HELZ: variants seen among roughly 807,000 people sequenced by gnomAD.
HELZ encodes ATP-dependent RNA helicase with zinc finger domain.
Under a neutral mutation model 218.2 loss-of-function variants are expected in HELZ, and 23 were observed. That is an observed-to-expected ratio of 0.11 (90% confidence interval 0.08 to 0.15). The LOEUF (loss-of-function observed/expected upper bound fraction) is 0.15. HELZ is among the 10% of genes least tolerant of loss of function. The pLI, the probability that HELZ is intolerant of heterozygous loss-of-function variation, is 1.00. For synonymous variants in HELZ, 814 were observed against 829.4 expected (o/e 0.98, Z 0.32); for missense variants, 1,813 against 2,353.7 (o/e 0.77, Z 4.75).
At chr17:67,218,447 G>C in intron 4 of HELZ, 148 bp downstream of exon 4, 1 of 676,366 alleles carries the variant, frequency 1.5e-6, no homozygotes, top group Admixed American at 2.6e-5. Flanking sequence ...CAAAAACGTA[G>C]TTACCTTGCC....
At chr17:67,097,298 G>A in intron 31 of HELZ, among the ~76,000 whole-genome samples, 1 of 152,200 alleles carries the variant, frequency 6.6e-6, no homozygotes, top group East Asian at 1.9e-4. Flanking sequence ...AGCACGTGCT[G>A]TCAGAAAAAT....
rs916490643 is a variant in HELZ at position 67,128,804 on chromosome 17, A to G, written c.3234T>C (p.His1078=). 1.2e-6 allele frequency: 2 copies of G among 1,614,156 alleles called. No individual in the cohort carries two copies. The highest frequency in any genetic ancestry group is 3.3e-5 in the Admixed American group (2 of 60,018). The part of the protein sequence containing the change: ...IALCHENSSL[H]GITFEQIKAQ... Reference sequence around the variant, plus strand: ...CTTTGATCTGTTCAAAAGTGATTCCATGTAGGCTACTGTTTTCATGACACA... The same window carrying G: ...CTTTGATCTGTTCAAAAGTGATTCCGTGTAGGCTACTGTTTTCATGACACA... Residue 1078 remains histidine, a synonymous_variant, in exon 24 of 33, where the codon CAT becomes CAC. Coordinates refer to ENST00000358691, the MANE Select transcript of HELZ (RefSeq NM_014877.4).
intron 32 of HELZ, among the ~76,000 whole-genome samples, chr17:67,084,662 CAA>C (rs58150179): frequency 0.69 from 87,109 of 126,614 alleles, 29,580 homozygotes; most frequent in African/African-American, 0.87. Context: ...GACTCCGTCT[CAA>C]AAAAAAAAAA....
intron 7 of HELZ, among the ~76,000 whole-genome samples, chr17:67,198,673 T>C (rs531933985): frequency 1.5e-4 from 23 of 152,366 alleles, no homozygotes; most frequent in African/African-American, 5.5e-4. Context: ...TAAATCAGTC[T>C]TGAGTTCCAG....
chr17:67,169,379 C>T (rs374833583), intron 13 of HELZ, among the ~76,000 whole-genome samples: 1 of 152,206 alleles, frequency 6.6e-6, no homozygotes, highest in South Asian at 2.1e-4. Context: ...GGTCTTCAGG[C>T]TGCATCATCC....
At chr17:67,126,438 C>T (rs1372071072) in intron 24 of HELZ, among the ~76,000 whole-genome samples, 2 of 152,178 alleles carry the variant, frequency 1.3e-5, no homozygotes, top group South Asian at 2.1e-4. Flanking sequence ...TGGTTCAATA[C>T]AGGATACAAT....
intron 17 of HELZ, among the ~76,000 whole-genome samples, chr17:67,158,444 A>C (rs1050620861): frequency 6.6e-6 from 1 of 152,220 alleles, no homozygotes; most frequent in African/African-American, 2.4e-5. Flanking sequence ...AGTTAATGTA[A>C]TAATAGTGCT....
Position 67,194,105 on chromosome 17 carries a change from T to C in HELZ, c.482-63A>G, listed in dbSNP as rs1024061189. 12 of 1,137,032 alleles carry C rather than the reference T, an allele frequency of 1.1e-5. No homozygotes were observed. In the East Asian group the frequency reaches 1.2e-4, roughly 12 times the overall value. 70.4% of individuals were successfully genotyped at this position (1,137,032 alleles called of 1,614,324 possible). A position where few individuals can be genotyped will look rare whatever the true frequency, so the allele number is the denominator to read the frequency against. ...CTAGCCAGTAATTCTGATATTTTAA[T>C]GTGTAAGAGATACTACAATCCCTCC... On this transcript the variant is annotated intron_variant, in intron 8 of 32. Transcript: ENST00000358691.
chr17:67,245,082 C>T (rs1358714676), intron 1 of HELZ, 66 bp downstream of exon 1: 3 of 984,922 alleles, frequency 3.0e-6, no homozygotes, highest in Non-Finnish European at 3.6e-6. Flanking sequence ...CGGGTCCCCT[C>T]CCCGGAGAGC....
At chr17:67,098,764 TC>T (rs1391295903) in intron 31 of HELZ, among the ~76,000 whole-genome samples, 1 of 151,924 alleles carries the variant, frequency 6.6e-6, no homozygotes, top group Non-Finnish European at 1.5e-5. Context: ...AATAAAAATG[TC>T]CAAACAACAT....
chr17:67,237,008 T>C (rs1412221907), intron 3 of HELZ, among the ~76,000 whole-genome samples: 1 of 152,144 alleles, frequency 6.6e-6, no homozygotes, highest in Non-Finnish European at 1.5e-5. Context: ...TATGAACCCG[T>C]GGGAGACAAA....
intron 5 of HELZ, among the ~76,000 whole-genome samples, chr17:67,213,776 C>A (rs1039593270): frequency 1.1e-4 from 17 of 152,072 alleles, no homozygotes; most frequent in Non-Finnish European, 2.4e-4. Context: ...ACTAGAACCA[C>A]CTAAATGCCC....
intron 32 of HELZ, among the ~76,000 whole-genome samples, chr17:67,083,767 G>A (rs189130614): frequency 6.6e-6 from 1 of 152,358 alleles, no homozygotes; most frequent in East Asian, 1.9e-4. Flanking sequence ...TGTGTTGGAG[G>A]AGGGATTCCC....
chr17:67,223,690 T>G, intron 3 of HELZ, among the ~76,000 whole-genome samples: 1 of 152,048 alleles, frequency 6.6e-6, no homozygotes. Flanking sequence ...AGGCGAAGGT[T>G]GCAGTGAGCT....
chr17:67,078,724 G>A (rs2036093216), intron 32 of HELZ, 138 bp from the exon 33 acceptor site: 2 of 482,438 alleles, frequency 4.1e-6, no homozygotes, highest in African/African-American at 2.0e-5. Flanking sequence ...GACACCTTCT[G>A]CCATAGAATG....
chr17:67,218,913 C>A, intron 3 of HELZ, 91 bp from the exon 4 acceptor site: 1 of 850,108 alleles, frequency 1.2e-6, no homozygotes. Flanking sequence ...GCTTAATTAT[C>A]TATCTGAATA....
At chr17:67,214,266 T>TG (rs962038447) in intron 5 of HELZ, among the ~76,000 whole-genome samples, 7 of 123,530 alleles carry the variant, frequency 5.7e-5, no homozygotes, top group Admixed American at 8.0e-5. Context: ...TTTCTTTTTT[T>TG]TTTTTTTTTT....
intron 31 of HELZ, among the ~76,000 whole-genome samples, chr17:67,097,207 T>C (rs1043953157): frequency 1.3e-5 from 2 of 152,160 alleles, no homozygotes; most frequent in Non-Finnish European, 2.9e-5. Context: ...CAAAGATTAT[T>C]GATCACAACA....
At chr17:67,198,585 T>A (rs1237832304) in intron 7 of HELZ, among the ~76,000 whole-genome samples, 1 of 152,204 alleles carries the variant, frequency 6.6e-6, no homozygotes, top group African/African-American at 2.4e-5. Flanking sequence ...AACTATAAAT[T>A]CAGAATCAAA....
Sources: gnomAD v4.1 joint callset for allele counts (sites outside exome capture counted in the v4.1 genomes callset) on GRCh38, gnomAD v4.1.1 for gene constraint, MANE v1.5 for transcripts, NCBI Gene and HGNC (gene_info 2026-07-23, HGNC 2026-07-21) for gene names.